The following CSMD2 variants were observed in gnomAD, a reference collection of about 807,000 sequenced individuals.
CSMD2 encodes CUB and Sushi multiple domains 2, also known as CUB and sushi domain-containing protein 2.
CSMD2 carries 130 observed loss-of-function variants against 398.5 expected under a neutral mutation model. The ratio of observed to expected loss-of-function variants is 0.33; its 90% CI spans 0.28 to 0.38. The LOEUF (loss-of-function observed/expected upper bound fraction) is 0.38, where lower values mean the gene tolerates loss of function less well. Among genes scored for constraint, CSMD2 ranks in the 10% least tolerant of loss-of-function variants. CSMD2 has a pLI of 1.00. For missense variants in CSMD2, 3,829 were observed against 4,764.9 expected (o/e 0.80, Z 5.78); for synonymous variants, 1,828 against 1,908.5 (o/e 0.96, Z 1.10).
intron 21 of CSMD2, among the ~76,000 whole-genome samples, chr1:33,711,321 G>C (rs1024798150): frequency 2.0e-5 from 3 of 152,234 alleles, no homozygotes; most frequent in African/African-American, 7.2e-5. Context: ...CATCTAGGCA[G>C]AGGCCTGTGG....
intron 1 of CSMD2, among the ~76,000 whole-genome samples, chr1:34,150,912 T>C (rs1399536556): frequency 1.3e-5 from 2 of 151,794 alleles, no homozygotes; most frequent in Non-Finnish European, 2.9e-5. Flanking sequence ...AGATCAAGAC[T>C]CTGCCTATAA....
intron 40 of CSMD2, among the ~76,000 whole-genome samples, chr1:33,612,465 T>C (rs957739385): frequency 1.3e-5 from 2 of 152,232 alleles, no homozygotes; most frequent in Non-Finnish European, 2.9e-5. Flanking sequence ...TCTGGGTTTA[T>C]GTGTTTTCAA....
At chr1:33,889,086 A>AAC (rs905743232) in intron 5 of CSMD2, among the ~76,000 whole-genome samples, 4 of 152,104 alleles carry the variant, frequency 2.6e-5, no homozygotes, top group Non-Finnish European at 5.9e-5. Flanking sequence ...AACTGATTTC[A>AAC]ACACACACAC....
intron 5 of CSMD2, among the ~76,000 whole-genome samples, chr1:33,872,425 C>T (rs1229072739): frequency 6.6e-6 from 1 of 152,056 alleles, no homozygotes; most frequent in Non-Finnish European, 1.5e-5. Context: ...GTTAAGACTT[C>T]AGAAAGATCA....
rs1655422739 is a variant in CSMD2 at position 33,533,208 on chromosome 1, T to G, written c.10013A>C (p.Glu3338Ala). The change falls in exon 64 of 71, where the codon GAG (glutamate) becomes GCG (alanine). Residue 3338 changes from glutamate to alanine, a missense_variant. Glu to Ala is a moderately radical substitution (Grantham distance 107, BLOSUM62 -1). This residue lies in a region of CSMD2 where 917 missense variants were observed against 1,199.5 expected (regional missense o/e 0.76). Coordinates refer to ENST00000373381, the MANE Select transcript of CSMD2 (RefSeq NM_001281956.2). The surrounding 1 kb of genome is among the most constrained non-coding windows in gnomAD (Gnocchi z 4.2). The stretch of plus-strand genomic sequence containing the variant: ...CCCGACGTTGGCATGCGTTGGCGTC[T>G]CTGGCTGCCTGCAGTGGTGGGCTGG... ...DCVPHHCRQP[E>A]TPTHANVGAL... 6.2e-7 allele frequency: 1 copy of G among 1,613,876 alleles called. No homozygotes were observed. The highest frequency in any genetic ancestry group is 1.1e-5 in the South Asian group (1 of 91,008).
chr1:34,138,860 T>A (rs1639007954), intron 1 of CSMD2, among the ~76,000 whole-genome samples: 1 of 152,216 alleles, frequency 6.6e-6, no homozygotes, highest in African/African-American at 2.4e-5. Context: ...ATATATAACC[T>A]TGCATGAATG....
chr1:33,928,096 G>A (rs1644189255), intron 4 of CSMD2, among the ~76,000 whole-genome samples: 1 of 152,202 alleles, frequency 6.6e-6, no homozygotes, highest in South Asian at 2.1e-4. Context: ...AGAAGCTCTG[G>A]AAATCACAGC....
intron 3 of CSMD2, among the ~76,000 whole-genome samples, chr1:33,944,451 T>C (rs1644779765): frequency 6.6e-6 from 1 of 152,182 alleles, no homozygotes; most frequent in Non-Finnish European, 1.5e-5. Context: ...CAGGTGGGCA[T>C]TGTGCTGACT....
intron 15 of CSMD2, among the ~76,000 whole-genome samples, chr1:33,728,014 T>C (rs1403294444): frequency 1.3e-5 from 2 of 152,170 alleles, no homozygotes; most frequent in Non-Finnish European, 2.9e-5. Flanking sequence ...CCCTGTGAGG[T>C]TGGTGCTATT....
chr1:33,860,027 C>T (rs150119295), intron 5 of CSMD2, among the ~76,000 whole-genome samples: 3 of 152,274 alleles, frequency 2.0e-5, no homozygotes, highest in South Asian at 2.1e-4. Flanking sequence ...CCCTTCACCC[C>T]GATTCCCTAA....
chr1:33,773,149 A>T (rs1651507836), intron 12 of CSMD2, among the ~76,000 whole-genome samples: 1 of 152,104 alleles, frequency 6.6e-6, no homozygotes, highest in Admixed American at 6.6e-5. Context: ...AAGTCTTTGG[A>T]GACTTCCTCA....
rs199645791 is a variant in CSMD2, at chr1:33,743,621, C to G, written c.1847-15G>C. 2 of 1,552,626 alleles carry G rather than the reference C, an allele frequency of 1.3e-6. No homozygotes were observed. Among genetic ancestry groups the G allele is most frequent in the Admixed American group, 3.6e-5 (2 of 55,352 alleles). ...GAAGCAGGAGACTGCAAGAGAAGAG[C>G]AGTGGAGGTCAGTAAGCATCCCCAA... On this transcript the variant is annotated splice_polypyrimidine_tract_variant and intron_variant, in intron 13 of 70. Coordinates refer to ENST00000373381, the MANE Select transcript of CSMD2 (RefSeq NM_001281956.2).
intron 3 of CSMD2, among the ~76,000 whole-genome samples, chr1:34,004,858 A>G (rs1647010530): frequency 6.6e-6 from 1 of 152,118 alleles, no homozygotes; most frequent in South Asian, 2.1e-4. Flanking sequence ...TGTTGTTCTG[A>G]GAGTGTTCCC....
At chr1:33,928,784 G>A (rs1012835163) in intron 4 of CSMD2, among the ~76,000 whole-genome samples, 2 of 152,242 alleles carry the variant, frequency 1.3e-5, no homozygotes, top group African/African-American at 4.8e-5. Context: ...CCAGTGCTCA[G>A]AATCACTCAA....
intron 5 of CSMD2, among the ~76,000 whole-genome samples, chr1:33,907,717 T>C (rs1354482110): frequency 6.6e-6 from 1 of 152,164 alleles, no homozygotes; most frequent in African/African-American, 2.4e-5. Context: ...ATATGTGAAA[T>C]GGTGATTTTG....
At chr1:33,777,718 G>A (rs778529864) in intron 12 of CSMD2, among the ~76,000 whole-genome samples, 1 of 152,146 alleles carries the variant, frequency 6.6e-6, no homozygotes, top group African/African-American at 2.4e-5. Context: ...TGAGATGATT[G>A]CTTCTAAGAT....
chr1:33,789,363 T>C (rs1653949615), intron 11 of CSMD2, among the ~76,000 whole-genome samples: 1 of 152,206 alleles, frequency 6.6e-6, no homozygotes, highest in African/African-American at 2.4e-5. Flanking sequence ...ACTGCACTTA[T>C]CAATTTCCTA....
chr1:33,765,724 A>G (rs1650404876), intron 13 of CSMD2, among the ~76,000 whole-genome samples: 2 of 152,228 alleles, frequency 1.3e-5, no homozygotes, highest in African/African-American at 2.4e-5. Context: ...TACAATGAAA[A>G]ATAGAAAATA....
Position 33,580,864 on chromosome 1 carries a change from T to C in CSMD2, c.7276A>G (p.Ser2426Gly). ...ATCAGGGGAGCTGAGTAATTCCCACTGAGGGCTTTCAGCAGAGGACTCTGT... is the reference window on the plus strand; with the variant it reads ...ATCAGGGGAGCTGAGTAATTCCCACCGAGGGCTTTCAGCAGAGGACTCTGT... ...SGQSPLLKAL[S>G]GNYSAPLIVT... The change falls in exon 48 of 71, where the codon AGT (serine) becomes GGT (glycine). Residue 2426 changes from serine (S) to glycine (G), a missense_variant. By Grantham distance (56) the Ser-to-Gly change is moderately conservative (BLOSUM62 0). Transcript: ENST00000373381. 1 of 1,614,088 alleles carries C rather than the reference T, an allele frequency of 6.2e-7. No individual in the cohort carries two copies. The highest frequency in any genetic ancestry group is 8.5e-7 in the Non-Finnish European group (1 of 1,179,998).
Sources: allele counts gnomAD v4.1 joint callset (sites outside exome capture counted in the v4.1 genomes callset), GRCh38; gene constraint gnomAD v4.1.1; regional missense constraint gnomAD v4.1.1; non-coding constraint Gnocchi (gnomAD v3.1); transcripts MANE v1.5; gene names NCBI Gene and HGNC (gene_info 2026-07-23, HGNC 2026-07-21).